PKP4: variants seen among roughly 807,000 people sequenced by gnomAD.
PKP4 encodes the protein plakophilin-4.
PKP4 carries 90 observed loss-of-function variants against 145.1 expected under a neutral mutation model. The ratio of observed to expected loss-of-function variants is 0.62; its 90% CI spans 0.52 to 0.74. PKP4 has a LOEUF of 0.74. Ranked by LOEUF, PKP4 falls within the 30% of genes least tolerant of loss-of-function variation. The probability of loss-of-function intolerance (pLI) is 0.00; values close to 1 mark genes in which losing one functional copy is unlikely to be tolerated. For synonymous variants in PKP4, 563 were observed against 577.2 expected (o/e 0.98, Z 0.35); for missense variants, 1,340 against 1,482.7 (o/e 0.90, Z 1.58).
intron 1 of PKP4, among the ~76,000 whole-genome samples, chr2:158,509,876 C>T (rs970604653): frequency 2.7e-5 from 4 of 147,652 alleles, no homozygotes; most frequent in South Asian, 2.1e-4. Context: ...GAACCCAGGA[C>T]GTGGAGGTTG....
intron 1 of PKP4, among the ~76,000 whole-genome samples, chr2:158,499,042 G>A (rs1005996074): frequency 1.3e-5 from 2 of 152,138 alleles, no homozygotes; most frequent in African/African-American, 4.8e-5. Context: ...ATATGTTCAG[G>A]AAGAACGGTA....
At chr2:158,658,727 G>T (rs57537456) in intron 12 of PKP4, 11,268 of 160,236 alleles carry the variant, frequency 0.07, 1,000 homozygotes, top group African/African-American at 0.21. Context: ...GTTTCAAGTT[G>T]TATAAATAAG....
At chr2:158,521,621 C>T (rs2042380072) in intron 1 of PKP4, among the ~76,000 whole-genome samples, 2 of 152,244 alleles carry the variant, frequency 1.3e-5, no homozygotes, top group South Asian at 2.1e-4. Context: ...GGTTATGTTT[C>T]TATTTCTAGG....
intron 1 of PKP4, among the ~76,000 whole-genome samples, chr2:158,503,718 C>T (rs1696909497): frequency 6.6e-6 from 1 of 152,142 alleles, no homozygotes; most frequent in Non-Finnish European, 1.5e-5. Context: ...ACCCAAACTG[C>T]CTTTTTGTCT....
At chr2:158,481,866 G>A (rs555272818) in intron 1 of PKP4, among the ~76,000 whole-genome samples, 5 of 152,204 alleles carry the variant, frequency 3.3e-5, no homozygotes, top group African/African-American at 1.2e-4. Flanking sequence ...AAGCAAAACT[G>A]GTTTATACAG....
intron 3 of PKP4, among the ~76,000 whole-genome samples, chr2:158,598,746 G>T (rs1019588519): frequency 6.6e-6 from 1 of 152,182 alleles, no homozygotes; most frequent in African/African-American, 2.4e-5. Context: ...TCCAGCCTGG[G>T]CGAGAGCAAG....
chr2:158,560,731 G>A (rs1244275835), intron 2 of PKP4, among the ~76,000 whole-genome samples: 2 of 152,098 alleles, frequency 1.3e-5, no homozygotes, highest in African/African-American at 2.4e-5. Flanking sequence ...ATAGCTCACA[G>A]CATTTAGCAT....
intron 2 of PKP4, among the ~76,000 whole-genome samples, chr2:158,565,595 G>A (rs1370476793): frequency 6.6e-6 from 1 of 152,036 alleles, no homozygotes; most frequent in African/African-American, 2.4e-5. Flanking sequence ...GGAGCCAAAT[G>A]TTAGGGAGAA....
Position 158,658,226 on chromosome 2 carries a change from T to G in PKP4, c.2005T>G (p.Ser669Ala). The stretch of plus-strand genomic sequence containing the variant: ...AACAAACACTGTGATTGTTCCACAT[T>G]CTGGATGGAATAACTCTTCTTTTGA... ...TLTNTVIVPH[S>A]GWNNSSFDDD... The change falls in exon 12 of 22, where the codon TCT becomes GCT. Residue 669 changes from serine to alanine, a missense_variant. Transcript: ENST00000389759. 1 of 1,599,748 alleles carries G rather than the reference T, an allele frequency of 6.3e-7. No individual in the cohort carries two copies. Among genetic ancestry groups the G allele is most frequent in the East Asian group, 2.2e-5 (1 of 44,764 alleles).
intron 3 of PKP4, among the ~76,000 whole-genome samples, chr2:158,602,074 A>G (rs2050280395): frequency 1.3e-5 from 2 of 152,196 alleles, no homozygotes; most frequent in African/African-American, 4.8e-5. Context: ...AAAAACATGT[A>G]ATGGCTGTAC....
At chr2:158,636,132 C>T (rs1406223056) in intron 9 of PKP4, among the ~76,000 whole-genome samples, 2 of 152,038 alleles carry the variant, frequency 1.3e-5, no homozygotes, top group Non-Finnish European at 1.5e-5. Flanking sequence ...AAAAGACTTC[C>T]TGTGTATTCA....
At chr2:158,554,666 C>A (rs544129845) in intron 2 of PKP4, among the ~76,000 whole-genome samples, 1 of 152,100 alleles carries the variant, frequency 6.6e-6, no homozygotes, top group Non-Finnish European at 1.5e-5. Flanking sequence ...ACCTCGTGAT[C>A]CGCCTGCGTC....
chr2:158,538,604 A>T (rs905405324), intron 2 of PKP4, among the ~76,000 whole-genome samples: 1 of 137,274 alleles, frequency 7.3e-6, no homozygotes, highest in African/African-American at 2.8e-5. Context: ...CAGTGGTGCG[A>T]TCTTGGCTCA....
At position 158,631,874 on chromosome 2, in the gene PKP4, C is replaced by T; in HGVS notation, c.1275C>T (p.Tyr425=). 1 of 1,614,180 alleles carries T rather than the reference C, an allele frequency of 6.2e-7. No individual in the cohort carries two copies. The highest frequency in any genetic ancestry group is 8.5e-7 in the Non-Finnish European group (1 of 1,180,020). ...YEGRTYYSPV[Y]RSPNHGTVEL... Reference sequence around the variant, plus strand: ...GGAGGACCTATTACAGCCCAGTGTACCGCAGCCCAAACCATGGAACTGTGG... The same window carrying T: ...GGAGGACCTATTACAGCCCAGTGTATCGCAGCCCAAACCATGGAACTGTGG... The change falls in exon 8 of 22, where the codon TAC becomes TAT. Residue 425 remains tyrosine (Y), a synonymous_variant. Transcript: ENST00000389759.
intron 11 of PKP4, among the ~76,000 whole-genome samples, chr2:158,651,799 CA>C (rs902593423): frequency 4.6e-5 from 7 of 151,998 alleles, no homozygotes; most frequent in Non-Finnish European, 7.4e-5. Context: ...TCACCACTGT[CA>C]AACCCCAGTG....
At chr2:158,485,516 TCTAAG>T (rs1224887888) in intron 1 of PKP4, among the ~76,000 whole-genome samples, 2 of 152,184 alleles carry the variant, frequency 1.3e-5, no homozygotes, top group Non-Finnish European at 2.9e-5. Context: ...TCCCCAAGAC[TCTAAG>T]CTGCATGAAC....
rs552218974 is a variant in PKP4 at position 158,678,088 on chromosome 2, A to G, written c.3257-493A>G. Among the ~76,000 whole-genome samples the G allele has an allele frequency of 2.6e-5, 4 of 152,244 alleles. No individual in the cohort carries two copies. In the South Asian group the frequency reaches 8.3e-4, roughly 32 times the overall value. ...ATGCCAGGTACAAGACTGTGCCTCC[A>G]TTGTTGCTCCTTCCTTGACCTGAGA... On this transcript the variant is annotated intron_variant, in intron 20 of 21. Coordinates refer to ENST00000389759, the MANE Select transcript of PKP4 (RefSeq NM_003628.6).
Position 158,680,604 on chromosome 2 carries a change from T to C in PKP4, c.3506T>C (p.Val1169Ala). The C allele has an allele frequency of 1.2e-6, 2 of 1,613,896 alleles. No individual in the cohort carries two copies. Among genetic ancestry groups the C allele is most frequent in the Non-Finnish European group, 8.5e-7 (1 of 1,179,770 alleles). The change falls in exon 22 of 22, where the codon GTA (valine) becomes GCA (alanine). Residue 1169 changes from valine to alanine, a missense_variant. Physicochemically the swap from Val to Ala is moderately conservative, Grantham distance 64. Coordinates refer to ENST00000389759, the MANE Select transcript of PKP4 (RefSeq NM_003628.6). ...QYGLKSTTNY[V>A]DFYSTKRPSY... ...GGACTGAAATCGACCACAAATTATG[T>C]AGACTTTTATTCCACTAAACGACCT...
At chr2:158,661,165 G>A in intron 12 of PKP4, 168 bp from the exon 13 acceptor site, 1 of 540,310 alleles carries the variant, frequency 1.9e-6, no homozygotes, top group East Asian at 3.2e-5. Context: ...TGGGGAGCGG[G>A]CCATCATTGT....
Sources: allele counts gnomAD v4.1 joint callset (sites outside exome capture counted in the v4.1 genomes callset), GRCh38; gene constraint gnomAD v4.1.1; transcripts MANE v1.5; gene names NCBI Gene and HGNC (gene_info 2026-07-23, HGNC 2026-07-21).